Variants in DCAF6 observed in about 807,000 individuals in gnomAD.
DCAF6 encodes the protein DDB1- and CUL4-associated factor 6.
A neutral mutation model predicts 125.1 loss-of-function variants in DCAF6; 54 were observed. The ratio of observed to expected loss-of-function variants is 0.43; its 90% confidence interval spans 0.35 to 0.54. The LOEUF (loss-of-function observed/expected upper bound fraction) is 0.54. DCAF6 is among the 20% of genes least tolerant of loss of function. DCAF6 has a pLI of 0.01. For synonymous variants in DCAF6, 371 were observed against 390.4 expected, an observed-to-expected ratio of 0.95 and a Z score of 0.58; for missense variants, 934 against 1,161.7, an observed-to-expected ratio of 0.80 and a Z score of 2.85.
At chr1:167,936,632 C>A, upstream of DCAF6, 2 of 377,146 alleles carry the variant, frequency 5.3e-6, no homozygotes, top group South Asian at 3.2e-5. Context: ...CCTCCGCCTC[C>A]GCCTCCTCCT....
the DCAF6 span, among the ~76,000 whole-genome samples, chr1:167,922,327 A>C: frequency 6.6e-6 from 1 of 152,136 alleles, no homozygotes; most frequent in Admixed American, 6.5e-5. Flanking sequence ...ACAGTAATGA[A>C]CCAGTTCAAA....
At chr1:167,944,301 A>G (rs1277515226) in intron 1 of DCAF6, among the ~76,000 whole-genome samples, 5 of 152,210 alleles carry the variant, frequency 3.3e-5, no homozygotes, top group African/African-American at 1.2e-4. Context: ...TCTTTTAGAT[A>G]TATTAATTTC....
intron 12 of DCAF6, among the ~76,000 whole-genome samples, chr1:168,031,242 T>G (rs1443229890): frequency 2.6e-5 from 4 of 152,022 alleles, no homozygotes; most frequent in African/African-American, 7.2e-5. Flanking sequence ...ATCAGAAAAA[T>G]TCTAAAATTA....
intron 6 of DCAF6, 32 bp downstream of exon 6, chr1:167,991,371 C>T: frequency 6.4e-7 from 1 of 1,572,894 alleles, no homozygotes; most frequent in South Asian, 1.2e-5. Context: ...AAATATAGGA[C>T]TGTCAGTTCA....
chr1:168,044,785 C>T (rs909408296), intron 15 of DCAF6, 114 bp downstream of exon 15: 13 of 1,413,100 alleles, frequency 9.2e-6, no homozygotes, highest in Non-Finnish European at 1.3e-5. Flanking sequence ...AGTTTCCTCC[C>T]CTTATAGAGG....
chr1:167,883,403 A>G, the DCAF6 span: 5 of 1,608,540 alleles, frequency 3.1e-6, no homozygotes, highest in Non-Finnish European at 4.3e-6. Context: ...ACCTAAAACT[A>G]TTGGTAGGTT....
intron 3 of DCAF6, among the ~76,000 whole-genome samples, chr1:167,972,275 TAAAG>T (rs1322853689): frequency 1.3e-5 from 2 of 152,246 alleles, no homozygotes; most frequent in Middle Eastern, 3.2e-3. Flanking sequence ...TTTCAACAAT[TAAAG>T]AACAAATTCT....
the DCAF6 span, among the ~76,000 whole-genome samples, chr1:167,911,680 C>T: frequency 4.2e-4 from 64 of 152,240 alleles, no homozygotes; most frequent in Non-Finnish European, 8.2e-4. Context: ...AAACTGCTGG[C>T]GAGTATACCC....
At position 167,957,481 on chromosome 1, in the gene DCAF6, C is replaced by T. The variant is rs547241816; in HGVS notation, c.159+5620C>T. ...TAAATATTTCATTGTACACATATAC[C>T]ACATTTAATATTTCATTGTACAGAT... On this transcript the variant is annotated intron_variant, in intron 2 of 21. Transcript: ENST00000367840. Among the ~76,000 whole-genome samples, 3 of 152,026 alleles carry T rather than the reference C, an allele frequency of 2.0e-5. No individual in the cohort carries two copies. In the South Asian group the frequency reaches 6.2e-4, roughly 32 times the overall value.
At chr1:167,892,035 G>A in the DCAF6 span, among the ~76,000 whole-genome samples, 3 of 640 alleles carry the variant, frequency 4.7e-3, no homozygotes, top group African/African-American at 0.017. Flanking sequence ...GTGCAGTGGA[G>A]CAATCTCGGC....
chr1:168,052,396 G>GTTT (rs1482182680), intron 17 of DCAF6, among the ~76,000 whole-genome samples: 1 of 152,104 alleles, frequency 6.6e-6, no homozygotes, highest in Non-Finnish European at 1.5e-5. Context: ...GATAAACAAT[G>GTTT]GTAAAGCAGA....
chr1:168,004,900 A>G, intron 10 of DCAF6, 107 bp downstream of exon 10: 1 of 1,234,480 alleles, frequency 8.1e-7, no homozygotes, highest in Non-Finnish European at 1.1e-6. Flanking sequence ...GTTGGAATAA[A>G]TGATCAAAAT....
Position 168,063,738 on chromosome 1 carries a change from C to T in DCAF6, c.2418C>T (p.Gly806=). 1 of 1,605,424 alleles carries T rather than the reference C, an allele frequency of 6.2e-7. No individual in the cohort carries two copies. Among genetic ancestry groups the T allele is most frequent in the Non-Finnish European group, 8.5e-7 (1 of 1,176,996 alleles). The change falls in exon 18 of 22, where the codon GGC becomes GGT. Residue 806 remains glycine, a synonymous_variant. Coordinates refer to ENST00000367840, the MANE Select transcript of DCAF6 (RefSeq NM_001198956.2). Reference sequence around the variant, plus strand: ...CGCTAGTAAAAATGGTTTATAAAGGCCATCGCAACTCCAGGACAATGGTAC... The same window carrying T: ...CGCTAGTAAAAATGGTTTATAAAGGTCATCGCAACTCCAGGACAATGGTAC... The part of the protein sequence containing the change: ...RRPLVKMVYK[G]HRNSRTMIKE...
At chr1:167,865,923 A>C in the DCAF6 span, among the ~76,000 whole-genome samples, 1 of 152,300 alleles carries the variant, frequency 6.6e-6, no homozygotes, top group Non-Finnish European at 1.5e-5. Context: ...AAGTCATGCC[A>C]AACTCTCTCT....
Position 167,967,109 on chromosome 1 carries a change from G to A in DCAF6, c.252+388G>A, listed in dbSNP as rs145156053. Among the ~76,000 whole-genome samples the A allele has an allele frequency of 5.0e-3, 758 of 152,182 alleles. 5 individuals are homozygous for A. The highest frequency in any genetic ancestry group is 0.017 in the African/African-American group (716 of 41,530). ...ATTCTAAAAAGTTACTTATTTTAAT[G>A]TTAAGAATAGTGTGGGTAAAGCTGC... On this transcript the variant is annotated intron_variant, in intron 3 of 21. Coordinates refer to ENST00000367840, the MANE Select transcript of DCAF6 (RefSeq NM_001198956.2).
chr1:167,887,902 T>C, the DCAF6 span, among the ~76,000 whole-genome samples: 1 of 152,176 alleles, frequency 6.6e-6, no homozygotes, highest in Non-Finnish European at 1.5e-5. Context: ...CCCAATGTTT[T>C]CTTGTAGTAG....
chr1:168,066,171 G>T (rs764037924), intron 19 of DCAF6, among the ~76,000 whole-genome samples: 1 of 152,142 alleles, frequency 6.6e-6, no homozygotes, highest in Admixed American at 6.5e-5. Context: ...CAATGAATCT[G>T]AGTGACTTCA....
intron 1 of DCAF6, among the ~76,000 whole-genome samples, chr1:167,946,431 G>A (rs550957706): frequency 6.6e-6 from 1 of 152,218 alleles, no homozygotes; most frequent in African/African-American, 2.4e-5. Context: ...GTGAAAGTAG[G>A]CATCCTTGTT....
intron 1 of DCAF6, among the ~76,000 whole-genome samples, chr1:167,939,630 G>GC (rs1194311199): frequency 2.0e-5 from 3 of 152,168 alleles, no homozygotes; most frequent in Non-Finnish European, 2.9e-5. Context: ...GGGAGTGGTG[G>GC]CGTACGCCTG....
Sources: gnomAD v4.1 joint callset for allele counts (sites outside exome capture counted in the v4.1 genomes callset) on GRCh38, gnomAD v4.1.1 for gene constraint, MANE v1.5 for transcripts, NCBI Gene and HGNC (gene_info 2026-07-23, HGNC 2026-07-21) for gene names.